The following DPP6 variants were observed in gnomAD, a reference collection of about 807,000 sequenced individuals.
DPP6 encodes the protein dipeptidyl peptidase like 6.
DPP6 carries 69 observed loss-of-function variants against 122.6 expected under a neutral mutation model. The observed-to-expected ratio is 0.56, with a 90% confidence interval of 0.46 to 0.69. The LOEUF is 0.69. Ranked by LOEUF, DPP6 falls within the 30% of genes least tolerant of loss-of-function variation. The pLI is 0.00. For missense variants in DPP6, 928 were observed against 1,116.9 expected (o/e 0.83, Z 2.41); for synonymous variants, 418 against 433.1 (o/e 0.97, Z 0.43).
intron 17 of DPP6, among the ~76,000 whole-genome samples, chr7:154,867,322 A>G (rs1803965374): frequency 6.6e-6 from 1 of 152,174 alleles, no homozygotes; most frequent in Admixed American, 6.5e-5. Flanking sequence ...GATAACGAGG[A>G]CGTGTGTGTG....
chr7:154,258,518 A>G (rs559116493), intron 1 of DPP6, among the ~76,000 whole-genome samples: 84 of 152,270 alleles, frequency 5.5e-4, no homozygotes, highest in Non-Finnish European at 7.2e-4. Flanking sequence ...TATTAGTTCA[A>G]GGGGTTTTGT....
chr7:154,508,059 C>T (rs1825793068), intron 3 of DPP6, among the ~76,000 whole-genome samples: 1 of 152,156 alleles, frequency 6.6e-6, no homozygotes, highest in African/African-American at 2.4e-5. Context: ...GCTTTGTAAG[C>T]AAAGAACAGT....
At chr7:154,430,847 G>T (rs191486964) in intron 1 of DPP6, among the ~76,000 whole-genome samples, 2 of 152,216 alleles carry the variant, frequency 1.3e-5, no homozygotes, top group East Asian at 3.9e-4. Flanking sequence ...AGCTCAGCTG[G>T]CACATGGTGG....
intron 5 of DPP6, chr7:154,587,998 G>C (rs1417522559): frequency 6.2e-7 from 1 of 1,612,904 alleles, no homozygotes; most frequent in Non-Finnish European, 8.5e-7. Flanking sequence ...ATACGAGTGT[G>C]GCAGGTGTGA....
At chr7:153,905,172 C>T (rs769950934) in intron 1 of DPP6, among the ~76,000 whole-genome samples, 9 of 152,212 alleles carry the variant, frequency 5.9e-5, no homozygotes, top group East Asian at 1.9e-4. Flanking sequence ...CAGGTGATTT[C>T]GTTATGGTCA....
the DPP6 span, among the ~76,000 whole-genome samples, chr7:153,800,036 A>G: frequency 6.6e-6 from 1 of 152,208 alleles, no homozygotes; most frequent in East Asian, 1.9e-4. Context: ...AACTAAAAAT[A>G]GATCTGTCAT....
chr7:154,494,905 A>C (rs1563758697), intron 3 of DPP6, among the ~76,000 whole-genome samples: 1 of 152,260 alleles, frequency 6.6e-6, no homozygotes, highest in Non-Finnish European at 1.5e-5. Flanking sequence ...GGTTAAAGAC[A>C]TAACAAAGCA....
chr7:154,869,082 C>T (rs115988040), intron 18 of DPP6, among the ~76,000 whole-genome samples: 2 of 152,162 alleles, frequency 1.3e-5, no homozygotes, highest in African/African-American at 4.8e-5. Context: ...GTTTCCAGAG[C>T]TCGGCGGAAA....
At chr7:154,433,810 C>T (rs1818644633) in intron 1 of DPP6, among the ~76,000 whole-genome samples, 1 of 152,198 alleles carries the variant, frequency 6.6e-6, no homozygotes, top group Non-Finnish European at 1.5e-5. Flanking sequence ...ACACTGATTA[C>T]CTTCGCGTTT....
chr7:154,657,710 AGGTGGGTGGAGAGGCTACGTG>A (rs1563068821), intron 6 of DPP6, among the ~76,000 whole-genome samples: 206 of 4,884 alleles, frequency 0.042, 9 homozygotes, highest in Admixed American at 0.05. Flanking sequence ...AGGTGCTCAT[AGGTGGGTGGAGAGGCTACGTG>A]GGAGGAGGTG....
chr7:153,907,404 T>C (rs1452983293), intron 1 of DPP6, among the ~76,000 whole-genome samples: 4 of 152,202 alleles, frequency 2.6e-5, no homozygotes, highest in Non-Finnish European at 5.9e-5. Flanking sequence ...AAGAGAGGAA[T>C]CAGGATCACG....
chr7:154,744,338 C>A (rs1444262535), intron 8 of DPP6, among the ~76,000 whole-genome samples: 1 of 152,192 alleles, frequency 6.6e-6, no homozygotes, highest in Admixed American at 6.5e-5. Flanking sequence ...TCTGAGCGAT[C>A]AAGGCAATGG....
At chr7:154,313,945 A>G (rs1807196954) in intron 1 of DPP6, among the ~76,000 whole-genome samples, 1 of 151,650 alleles carries the variant, frequency 6.6e-6, no homozygotes, top group African/African-American at 2.4e-5. Context: ...AGAAGAGATT[A>G]ACCAATAAGA....
chr7:154,262,084 C>A (rs1366509413), intron 1 of DPP6, among the ~76,000 whole-genome samples: 1 of 151,922 alleles, frequency 6.6e-6, no homozygotes, highest in Non-Finnish European at 1.5e-5. Flanking sequence ...GAAGTTAAAG[C>A]CCACAGGGTG....
intron 2 of DPP6, among the ~76,000 whole-genome samples, chr7:154,458,270 T>C (rs963934897): frequency 3.3e-5 from 5 of 152,136 alleles, no homozygotes; most frequent in African/African-American, 1.2e-4. Flanking sequence ...AGTGAATAAG[T>C]CTCATGAGAC....
At chr7:153,949,082 C>T (rs763748025) in intron 1 of DPP6, among the ~76,000 whole-genome samples, 9 of 152,168 alleles carry the variant, frequency 5.9e-5, no homozygotes, top group Non-Finnish European at 1.0e-4. Flanking sequence ...TGACACAGTG[C>T]GGTCCTGAGA....
chr7:154,717,222 G>A (rs1216627968), intron 7 of DPP6, among the ~76,000 whole-genome samples: 1 of 152,108 alleles, frequency 6.6e-6, no homozygotes, highest in Non-Finnish European at 1.5e-5. Context: ...TCATTTATTT[G>A]TGGTAAGAAC....
chr7:154,551,401 C>T (rs190367944), intron 4 of DPP6, among the ~76,000 whole-genome samples: 2 of 152,234 alleles, frequency 1.3e-5, no homozygotes, highest in Non-Finnish European at 2.9e-5. Context: ...TAGATGATTG[C>T]TCTGAGCTCA....
At chr7:154,758,008 G>A (rs183312819) in intron 8 of DPP6, among the ~76,000 whole-genome samples, 1 of 149,502 alleles carries the variant, frequency 6.7e-6, no homozygotes, top group African/African-American at 2.5e-5. Context: ...CGCCACGCAC[G>A]GCCTCCTGGC....
Sources: gnomAD v4.1 joint callset for allele counts (sites outside exome capture counted in the v4.1 genomes callset) on GRCh38, gnomAD v4.1.1 for gene constraint, MANE v1.5 for transcripts, NCBI Gene and HGNC (gene_info 2026-07-23, HGNC 2026-07-21) for gene names.